The following CFAP299 variants were observed in gnomAD, a reference collection of about 807,000 sequenced individuals.
CFAP299 encodes the protein cilia and flagella associated protein 299, also known as cilia- and flagella-associated protein 299.
In CFAP299, 21 loss-of-function variants were observed where a neutral mutation model predicts 27.0. The observed-to-expected ratio is 0.78, with a 90% confidence interval of 0.55 to 1.12. The LOEUF (loss-of-function observed/expected upper bound fraction) is 1.12. Among genes scored for constraint, CFAP299 ranks in the 50% most tolerant of loss-of-function variants. CFAP299 has a pLI of 0.00. For missense variants in CFAP299, 310 were observed against 276.6 expected, an observed-to-expected ratio of 1.12 and a Z score of -0.86; for synonymous variants, 104 against 98.1, an observed-to-expected ratio of 1.06 and a Z score of -0.36.
At chr4:80,326,701 C>T in the CFAP299 span, among the ~76,000 whole-genome samples, 1 of 152,138 alleles carries the variant, frequency 6.6e-6, no homozygotes, top group Non-Finnish European at 1.5e-5. Flanking sequence ...TCTGAGAAGT[C>T]TATTAGAAAT....
intron 2 of CFAP299, among the ~76,000 whole-genome samples, chr4:80,477,940 G>A (rs181015671): frequency 3.9e-5 from 6 of 152,232 alleles, no homozygotes; most frequent in Admixed American, 3.9e-4. Context: ...AATGGAACTG[G>A]TCTCACTTTG....
intron 3 of CFAP299, among the ~76,000 whole-genome samples, chr4:80,861,505 C>T (rs1052121740): frequency 2.0e-5 from 3 of 152,202 alleles, no homozygotes; most frequent in East Asian, 1.9e-4. Flanking sequence ...TTCTGCGTCA[C>T]TCATGCTGGG....
intron 3 of CFAP299, among the ~76,000 whole-genome samples, chr4:80,857,157 T>C (rs1472149765): frequency 6.6e-6 from 1 of 152,240 alleles, no homozygotes; most frequent in East Asian, 1.9e-4. Context: ...TTTTATTCTC[T>C]TTGAAGCAAT....
intron 3 of CFAP299, among the ~76,000 whole-genome samples, chr4:80,667,452 T>TCTATCAAACAATATCAA (rs1741198618): frequency 6.6e-6 from 1 of 152,164 alleles, no homozygotes; most frequent in South Asian, 2.1e-4. Flanking sequence ...TATCAAACTG[T>TCTATCAAACAATATCAA]GTGTTGTATT....
chr4:80,870,195 G>T, intron 4 of CFAP299, 60 bp downstream of exon 4: 3 of 1,509,382 alleles, frequency 2.0e-6, no homozygotes, highest in Middle Eastern at 3.7e-4. Context: ...TTATTTTATG[G>T]TCTACATTGT....
chr4:80,330,971 G>A (rs1721919325), upstream of CFAP299, among the ~76,000 whole-genome samples: 8 of 152,174 alleles, frequency 5.3e-5, no homozygotes, highest in Admixed American at 5.2e-4. Context: ...ATTCTAATAA[G>A]CAGTATAGAC....
At chr4:80,551,561 G>A (rs1257930569) in intron 2 of CFAP299, among the ~76,000 whole-genome samples, 2 of 151,968 alleles carry the variant, frequency 1.3e-5, no homozygotes, top group Non-Finnish European at 2.9e-5. Context: ...TATCAACTAA[G>A]TCTACTGTAA....
rs571518984 is a variant in CFAP299, at chr4:80,777,499, C to T, written c.334-92494C>T. ...TACTAACTCTCCCAAATTTCTCAGC[C>T]TGGCATACAGAGAAATATAAGTCAT... On this transcript the variant is annotated intron_variant, in intron 3 of 5. Coordinates refer to ENST00000358105, the MANE Select transcript of CFAP299 (RefSeq NM_152770.3). Among the ~76,000 whole-genome samples, 164 of 152,168 alleles carry T rather than the reference C, an allele frequency of 1.1e-3. 1 individual carries two copies. Among genetic ancestry groups the T allele is most frequent in the African/African-American group, 3.7e-3 (152 of 41,522 alleles).
chr4:80,452,772 A>G (rs570292338), intron 2 of CFAP299, among the ~76,000 whole-genome samples: 3 of 152,226 alleles, frequency 2.0e-5, no homozygotes, highest in African/African-American at 7.2e-5. Flanking sequence ...TTTGAAGGAT[A>G]TGATACATTT....
intron 3 of CFAP299, among the ~76,000 whole-genome samples, chr4:80,616,586 G>A (rs747101661): frequency 3.3e-5 from 5 of 151,978 alleles, no homozygotes; most frequent in Non-Finnish European, 7.4e-5. Flanking sequence ...AGTTGGGGCA[G>A]CCAGGACTCC....
At chr4:80,865,721 A>G (rs939963902) in intron 3 of CFAP299, among the ~76,000 whole-genome samples, 3 of 151,934 alleles carry the variant, frequency 2.0e-5, no homozygotes, top group Admixed American at 6.6e-5. Flanking sequence ...CATATACACC[A>G]TGGAATACTA....
At chr4:80,845,438 C>T (rs2110142821) in intron 3 of CFAP299, among the ~76,000 whole-genome samples, 1 of 152,190 alleles carries the variant, frequency 6.6e-6, no homozygotes, top group South Asian at 2.1e-4. Flanking sequence ...GAAATTGGTT[C>T]CTACCTAATC....
rs189499536 is a variant in CFAP299, at chr4:80,658,138, C to T, written c.333+74955C>T. Among the ~76,000 whole-genome samples, 5 of 152,190 alleles carry T rather than the reference C, an allele frequency of 3.3e-5. No individual in the cohort carries two copies. In the East Asian group the frequency reaches 7.7e-4, roughly 24 times the overall value. On this transcript the variant is annotated intron_variant, in intron 3 of 5. Coordinates refer to ENST00000358105, the MANE Select transcript of CFAP299 (RefSeq NM_152770.3). The stretch of plus-strand genomic sequence containing the variant: ...AGCTTAAGGAGATTTTGGGCTGAGA[C>T]GATGGGGTTTTCTAGGTATACAATC...
chr4:80,700,696 C>T (rs1348767801), intron 3 of CFAP299, among the ~76,000 whole-genome samples: 1 of 151,696 alleles, frequency 6.6e-6, no homozygotes. Flanking sequence ...GGATGTTTAG[C>T]CTATTCTATC....
intron 3 of CFAP299, among the ~76,000 whole-genome samples, chr4:80,606,636 A>G (rs1423905343): frequency 6.6e-6 from 1 of 152,122 alleles, no homozygotes; most frequent in Non-Finnish European, 1.5e-5. Context: ...CTCCTTTTCC[A>G]TATTAGAAAT....
intron 3 of CFAP299, among the ~76,000 whole-genome samples, chr4:80,620,480 A>G (rs1175696134): frequency 1.3e-5 from 2 of 152,068 alleles, no homozygotes; most frequent in East Asian, 3.9e-4. Context: ...AACAGTTTTG[A>G]AAAGAATTTA....
At chr4:80,394,916 G>A (rs748651414) in intron 2 of CFAP299, among the ~76,000 whole-genome samples, 4 of 151,930 alleles carry the variant, frequency 2.6e-5, no homozygotes, top group Non-Finnish European at 5.9e-5. Context: ...GGGGTCTTTT[G>A]TGATACCACA....
intron 4 of CFAP299, among the ~76,000 whole-genome samples, chr4:80,907,505 A>G (rs1227638105): frequency 6.6e-6 from 1 of 152,170 alleles, no homozygotes; most frequent in African/African-American, 2.4e-5. Context: ...TTTATAAAGG[A>G]TAGGGTTTTA....
chr4:80,505,181 A>G (rs1329060830), intron 2 of CFAP299, among the ~76,000 whole-genome samples: 1 of 151,758 alleles, frequency 6.6e-6, no homozygotes, highest in Non-Finnish European at 1.5e-5. Context: ...ATGAACATAC[A>G]CTTTACCTGT....
Sources: allele counts gnomAD v4.1 joint callset (sites outside exome capture counted in the v4.1 genomes callset), GRCh38; gene constraint gnomAD v4.1.1; transcripts MANE v1.5; gene names NCBI Gene and HGNC (gene_info 2026-07-23, HGNC 2026-07-21).